The following CTNNA3 variants were observed in gnomAD, a reference collection of about 807,000 sequenced individuals.
CTNNA3 encodes catenin alpha 3, also known as catenin alpha-3.
In CTNNA3, 76 loss-of-function variants were observed where a neutral mutation model predicts 95.7. That is an observed-to-expected ratio of 0.79 (90% CI 0.66 to 0.96). The LOEUF is 0.96. Ranked by LOEUF, CTNNA3 falls within the 40% of genes least tolerant of loss-of-function variation. The pLI is 0.00. For synonymous variants in CTNNA3, 431 were observed against 374.4 expected (o/e 1.15, Z -1.74); for missense variants, 1,191 against 1,089.8 (o/e 1.09, Z -1.31).
chr10:66,110,716 TAACTC>T (rs1315194006), intron 13 of CTNNA3, among the ~76,000 whole-genome samples: 9 of 152,210 alleles, frequency 5.9e-5, no homozygotes, highest in South Asian at 2.1e-4. Context: ...CAACTCAAGT[TAACTC>T]AACTAACATA....
chr10:65,928,452 C>A (rs572612308), intron 17 of CTNNA3, among the ~76,000 whole-genome samples: 2 of 152,140 alleles, frequency 1.3e-5, no homozygotes, highest in Admixed American at 6.6e-5. Flanking sequence ...ATCTATACTT[C>A]ATTTAACATT....
intron 13 of CTNNA3, among the ~76,000 whole-genome samples, chr10:66,120,154 T>C (rs1349197466): frequency 6.6e-6 from 1 of 152,184 alleles, no homozygotes; most frequent in East Asian, 1.9e-4. Context: ...AGAAGATAAG[T>C]TGATACCATG....
intron 11 of CTNNA3, among the ~76,000 whole-genome samples, chr10:66,384,968 A>G (rs1343606586): frequency 6.6e-6 from 1 of 152,176 alleles, no homozygotes; most frequent in Non-Finnish European, 1.5e-5. Context: ...TTTTAGCACT[A>G]AATGCCCACA....
At chr10:67,076,944 C>T (rs1299909813) in intron 7 of CTNNA3, among the ~76,000 whole-genome samples, 1 of 152,190 alleles carries the variant, frequency 6.6e-6, no homozygotes, top group Non-Finnish European at 1.5e-5. Flanking sequence ...AAAATCTCCT[C>T]GTCTTTATCA....
intron 7 of CTNNA3, among the ~76,000 whole-genome samples, chr10:66,954,554 C>T (rs576282368): frequency 6.6e-6 from 1 of 152,200 alleles, no homozygotes; most frequent in Admixed American, 6.5e-5. Context: ...GGTCATGCCC[C>T]ATGGATGAAT....
chr10:67,095,473 C>T (rs1314613385), intron 7 of CTNNA3, among the ~76,000 whole-genome samples: 1 of 151,732 alleles, frequency 6.6e-6, no homozygotes, highest in Non-Finnish European at 1.5e-5. Context: ...TCAGAGCTAA[C>T]TATTTAATTG....
At chr10:67,227,344 G>A (rs768223683) in intron 5 of CTNNA3, among the ~76,000 whole-genome samples, 1 of 152,098 alleles carries the variant, frequency 6.6e-6, no homozygotes, top group Non-Finnish European at 1.5e-5. Flanking sequence ...GCCCGCCTTG[G>A]CCTCCCAAAG....
At chr10:66,687,225 G>T (rs1847329934) in intron 9 of CTNNA3, among the ~76,000 whole-genome samples, 1 of 151,896 alleles carries the variant, frequency 6.6e-6, no homozygotes, top group Non-Finnish European at 1.5e-5. Flanking sequence ...ATACATAAAT[G>T]ATGCAAGAAG....
chr10:66,942,068 G>T (rs1302580679), intron 7 of CTNNA3, among the ~76,000 whole-genome samples: 1 of 152,130 alleles, frequency 6.6e-6, no homozygotes, highest in Non-Finnish European at 1.5e-5. Flanking sequence ...TTCCTCATCT[G>T]TAAAATGGGA....
chr10:66,752,432 TTAAC>T (rs1160361130), intron 9 of CTNNA3, among the ~76,000 whole-genome samples: 1 of 152,142 alleles, frequency 6.6e-6, no homozygotes, highest in Non-Finnish European at 1.5e-5. Context: ...ACACCACTAA[TTAAC>T]TAATATACAA....
At chr10:66,002,032 A>G (rs190100749) in intron 15 of CTNNA3, among the ~76,000 whole-genome samples, 50 of 152,280 alleles carry the variant, frequency 3.3e-4, no homozygotes, top group African/African-American at 1.2e-3. Context: ...TTGTGGTAGT[A>G]TAACTTCCTA....
intron 7 of CTNNA3, among the ~76,000 whole-genome samples, chr10:66,991,470 G>A (rs1357272415): frequency 6.6e-6 from 1 of 152,102 alleles, no homozygotes; most frequent in East Asian, 1.9e-4. Flanking sequence ...GATTTTTGAA[G>A]TAATTTAAAA....
intron 5 of CTNNA3, among the ~76,000 whole-genome samples, chr10:67,516,682 C>T (rs752870108): frequency 1.3e-5 from 2 of 152,162 alleles, no homozygotes; most frequent in Non-Finnish European, 2.9e-5. Flanking sequence ...TATCATCACT[C>T]GTGCTGTTTA....
At chr10:67,449,375 G>A (rs762067390) in intron 5 of CTNNA3, among the ~76,000 whole-genome samples, 8 of 152,020 alleles carry the variant, frequency 5.3e-5, no homozygotes, top group Non-Finnish European at 8.8e-5. Context: ...AAATAGCCGA[G>A]GCAATGCTAA....
chr10:66,131,300 T>C (rs1432306168), intron 13 of CTNNA3, among the ~76,000 whole-genome samples: 1 of 152,112 alleles, frequency 6.6e-6, no homozygotes, highest in Non-Finnish European at 1.5e-5. Flanking sequence ...TTCATAAGCA[T>C]TGATGCAAAA....
chr10:66,136,317 T>C (rs1331753412), intron 13 of CTNNA3, among the ~76,000 whole-genome samples: 2 of 152,250 alleles, frequency 1.3e-5, no homozygotes, highest in Non-Finnish European at 2.9e-5. Flanking sequence ...ATTCATGTTT[T>C]GGTTGTTAAG....
At chr10:66,612,919 A>G (rs985572931) in intron 10 of CTNNA3, among the ~76,000 whole-genome samples, 1 of 151,958 alleles carries the variant, frequency 6.6e-6, no homozygotes, top group African/African-American at 2.4e-5. Context: ...ATTCCTCCCA[A>G]ACACCACTTC....
intron 9 of CTNNA3, among the ~76,000 whole-genome samples, chr10:66,694,979 T>G (rs1251634827): frequency 6.6e-6 from 1 of 152,148 alleles, no homozygotes; most frequent in East Asian, 1.9e-4. Context: ...ATTAAGGTGA[T>G]TTCATTTTGA....
At position 66,697,376 on chromosome 10, in the gene CTNNA3, C is replaced by T. The variant is rs144727642; in HGVS notation, c.1281+68888G>A. On this transcript the variant is annotated intron_variant, in intron 9 of 17. Transcript: ENST00000433211. ...ATAAATCCTAGGAAAAGCAAACACA[C>T]GGTATACACACGCACACATACAAAC... Among the ~76,000 whole-genome samples, 434 of 151,132 alleles carry T rather than the reference C, an allele frequency of 2.9e-3. 1 individual carries two copies. In the Middle Eastern group the frequency reaches 0.038, roughly 13 times the overall value.
Sources: allele counts gnomAD v4.1 joint callset (sites outside exome capture counted in the v4.1 genomes callset), GRCh38; gene constraint gnomAD v4.1.1; transcripts MANE v1.5; gene names NCBI Gene and HGNC (gene_info 2026-07-23, HGNC 2026-07-21).